The following DLGAP2 variants were observed in gnomAD, a reference collection of about 807,000 sequenced individuals.
The protein encoded by DLGAP2 is disks large-associated protein 2.
In DLGAP2, 26 loss-of-function variants were observed where a neutral mutation model predicts 100.3. The ratio of observed to expected loss-of-function variants is 0.26; its 90% CI spans 0.19 to 0.36. DLGAP2 has a LOEUF of 0.36. Ranked by LOEUF, DLGAP2 falls within the 10% of genes least tolerant of loss-of-function variation. DLGAP2 has a pLI of 1.00. For missense variants in DLGAP2, 1,858 were observed against 1,453.2 expected (o/e 1.28, Z -4.53); for synonymous variants, 886 against 630.1 (o/e 1.41, Z -6.08).
intron 2 of DLGAP2, among the ~76,000 whole-genome samples, chr8:1,081,067 A>C (rs1803791906): frequency 6.6e-6 from 1 of 152,238 alleles, no homozygotes; most frequent in African/African-American, 2.4e-5. Context: ...TGATGATTAT[A>C]AAACCTTATT....
At chr8:1,580,901 A>C (rs1049285661) in intron 6 of DLGAP2, among the ~76,000 whole-genome samples, 1 of 152,118 alleles carries the variant, frequency 6.6e-6, no homozygotes, top group African/African-American at 2.4e-5. Flanking sequence ...AACCCCACAC[A>C]TCTATACACC....
intron 3 of DLGAP2, among the ~76,000 whole-genome samples, chr8:1,427,351 C>T (rs1225419581): frequency 6.6e-6 from 1 of 152,160 alleles, no homozygotes; most frequent in Admixed American, 6.5e-5. Context: ...AGAATAAACA[C>T]TCTTTTTAAG....
intron 1 of DLGAP2, among the ~76,000 whole-genome samples, chr8:816,344 C>T (rs1422602221): frequency 6.8e-6 from 1 of 147,774 alleles, no homozygotes; most frequent in Non-Finnish European, 1.5e-5. Context: ...TTAAGGAATT[C>T]TACTTTGGTG....
chr8:817,114 C>G (rs1365460124), intron 1 of DLGAP2, among the ~76,000 whole-genome samples: 1 of 148,094 alleles, frequency 6.8e-6, no homozygotes, highest in Non-Finnish European at 1.5e-5. Flanking sequence ...GCACTCCAGC[C>G]TGGGCGACAC....
chr8:909,698 G>A (rs548401104), intron 2 of DLGAP2, among the ~76,000 whole-genome samples: 88 of 152,280 alleles, frequency 5.8e-4, no homozygotes, highest in African/African-American at 2.1e-3. Flanking sequence ...GAAGACCATA[G>A]GCTTTAATAT....
intron 1 of DLGAP2, among the ~76,000 whole-genome samples, chr8:858,325 C>T (rs1007418096): frequency 1.3e-5 from 2 of 152,242 alleles, no homozygotes; most frequent in Admixed American, 6.5e-5. Flanking sequence ...AGAAGCCTGT[C>T]GCAAAAGGCT....
chr8:1,068,743 C>CAGAGGGAGGGAAGGG (rs1803334493), intron 2 of DLGAP2, among the ~76,000 whole-genome samples: 6 of 152,058 alleles, frequency 3.9e-5, no homozygotes, highest in African/African-American at 1.2e-4. Context: ...GCATGTGGGT[C>CAGAGGGAGGGAAGGG]CGGGATATGC....
chr8:1,584,806 C>T (rs1485359327), intron 6 of DLGAP2, among the ~76,000 whole-genome samples: 3 of 152,168 alleles, frequency 2.0e-5, no homozygotes, highest in Non-Finnish European at 4.4e-5. Flanking sequence ...ATTATCCATC[C>T]ACCTGTTTCG....
intron 4 of DLGAP2, among the ~76,000 whole-genome samples, chr8:1,511,911 C>G (rs558913173): frequency 6.6e-6 from 1 of 152,264 alleles, no homozygotes; most frequent in Non-Finnish European, 1.5e-5. Context: ...GGCTCCAAGT[C>G]TTATCAGAGC....
intron 3 of DLGAP2, among the ~76,000 whole-genome samples, chr8:1,330,094 G>A (rs532264268): frequency 1.2e-4 from 19 of 152,336 alleles, no homozygotes; most frequent in Non-Finnish European, 1.5e-5. Flanking sequence ...GTGGGGTCGA[G>A]GTTTCTTTGT....
intron 3 of DLGAP2, among the ~76,000 whole-genome samples, chr8:1,383,978 G>C (rs1796154783): frequency 6.6e-6 from 1 of 152,168 alleles, no homozygotes; most frequent in South Asian, 2.1e-4. Context: ...ATGCATGTCT[G>C]GGGTTTTGGT....
chr8:759,090 CTGTTAT>C (rs1820997969), intron 1 of DLGAP2, among the ~76,000 whole-genome samples: 185 of 81,006 alleles, frequency 2.3e-3, no homozygotes, highest in Middle Eastern at 6.4e-3. Flanking sequence ...CACAGCCTTC[CTGTTAT>C]CAATACCCCC....
rs528825524 is a variant in DLGAP2, at chr8:1,032,147, G to T, written c.73+124181G>T. On this transcript the variant is annotated intron_variant, in intron 2 of 14. Coordinates refer to ENST00000637795, the MANE Select transcript of DLGAP2 (RefSeq NM_001346810.2). ...TGCTTCAGGGGTCTGCTCAGAGTCA[G>T]CCAGGACGGCGCAAGTTAGCGCATC... Among the ~76,000 whole-genome samples the T allele has an allele frequency of 3.3e-5, 5 of 152,352 alleles. No individual in the cohort carries two copies. The East Asian group carries it at 9.6e-4, about 29-fold the overall frequency.
chr8:1,608,223 T>TCCCTGAC (rs1449976762), intron 6 of DLGAP2, among the ~76,000 whole-genome samples: 22 of 125,694 alleles, frequency 1.8e-4, no homozygotes, highest in African/African-American at 5.3e-4. Context: ...CTCAAGTGGG[T>TCCCTGAC]CCCTGACCCC....
At chr8:1,674,878 G>C (rs1228694273) in intron 10 of DLGAP2, among the ~76,000 whole-genome samples, 3 of 152,222 alleles carry the variant, frequency 2.0e-5, no homozygotes, top group Non-Finnish European at 2.9e-5. Context: ...CATATGTACA[G>C]ACATGGAATT....
chr8:1,542,957 G>T (rs1801412270), intron 4 of DLGAP2, among the ~76,000 whole-genome samples: 1 of 152,158 alleles, frequency 6.6e-6, no homozygotes, highest in Admixed American at 6.5e-5. Flanking sequence ...TTTCCCTACT[G>T]GTGAGTGATT....
intron 3 of DLGAP2, among the ~76,000 whole-genome samples, chr8:1,347,250 A>G (rs1205110434): frequency 6.6e-6 from 1 of 150,814 alleles, no homozygotes; most frequent in Non-Finnish European, 1.5e-5. Context: ...GGCTGTGTGT[A>G]GGTTGAGTTC....
chr8:1,202,414 G>C (rs1234950094), intron 2 of DLGAP2, among the ~76,000 whole-genome samples: 1 of 152,082 alleles, frequency 6.6e-6, no homozygotes, highest in Non-Finnish European at 1.5e-5. Flanking sequence ...GCGTGTGTGA[G>C]CCCTCAGGAC....
At chr8:1,589,797 C>A (rs1383629814) in intron 6 of DLGAP2, among the ~76,000 whole-genome samples, 1 of 152,136 alleles carries the variant, frequency 6.6e-6, no homozygotes, top group East Asian at 1.9e-4. Context: ...CGGGGAATCC[C>A]TTGCCTTGAT....
Sources: gnomAD v4.1 joint callset for allele counts (sites outside exome capture counted in the v4.1 genomes callset) on GRCh38, gnomAD v4.1.1 for gene constraint, MANE v1.5 for transcripts, NCBI Gene and HGNC (gene_info 2026-07-23, HGNC 2026-07-21) for gene names.